The following ZFPM2 variants were observed in gnomAD, a reference collection of about 807,000 sequenced individuals.
The protein encoded by ZFPM2 is zinc finger protein, FOG family member 2.
A neutral mutation model predicts 98.6 loss-of-function variants in ZFPM2; 20 were observed. That is an observed-to-expected ratio of 0.20 (90% CI 0.14 to 0.29). The LOEUF (loss-of-function observed/expected upper bound fraction) is 0.29. ZFPM2 is among the 10% of genes least tolerant of loss of function. The pLI, the probability that ZFPM2 is intolerant of heterozygous loss-of-function variation, is 1.00. For synonymous variants in ZFPM2, 518 were observed against 502.7 expected (o/e 1.03, Z -0.41); for missense variants, 1,310 against 1,388.6 (o/e 0.94, Z 0.90).
rs894649426 is a variant in ZFPM2, at chr8:105,495,269, A to G, written c.301+50888A>G. 2.5e-4 allele frequency among the ~76,000 whole-genome samples: 38 copies of G among 152,332 alleles called. 1 individual carries two copies. The highest frequency in any genetic ancestry group is 9.1e-4 in the African/African-American group (38 of 41,578). On this transcript the variant is annotated intron_variant, in intron 3 of 7. Transcript: ENST00000407775. ...CATTTTATTAATCTAAATGTCATCG[A>G]CAAAATGTATAGTCCTTGGCTTAGT...
chr8:105,433,711 C>G (rs568497022), intron 2 of ZFPM2, among the ~76,000 whole-genome samples: 1 of 152,032 alleles, frequency 6.6e-6, no homozygotes, highest in East Asian at 1.9e-4. Flanking sequence ...GGCATGAACC[C>G]GGGAGGTGGA....
chr8:105,494,123 T>C (rs1314837378), intron 3 of ZFPM2, among the ~76,000 whole-genome samples: 1 of 146,868 alleles, frequency 6.8e-6, no homozygotes, highest in Non-Finnish European at 1.5e-5. Flanking sequence ...ATCTGAGGTG[T>C]CACTAGGTCA....
chr8:105,706,392 G>T (rs1811261113), intron 5 of ZFPM2, among the ~76,000 whole-genome samples: 1 of 152,106 alleles, frequency 6.6e-6, no homozygotes, highest in Non-Finnish European at 1.5e-5. Flanking sequence ...CATTGGAAAT[G>T]AAATTCATTT....
chr8:105,719,924 A>G (rs183795476), intron 5 of ZFPM2, among the ~76,000 whole-genome samples: 56 of 152,076 alleles, frequency 3.7e-4, no homozygotes, highest in African/African-American at 1.3e-3. Context: ...AGAGACCAAT[A>G]TTAGAGAAGA....
chr8:105,616,653 A>G (rs899514132), intron 4 of ZFPM2: 3 of 366,170 alleles, frequency 8.2e-6, no homozygotes, highest in Non-Finnish European at 1.6e-5. Flanking sequence ...CAACAGGTTC[A>G]TATGGTATAA....
intron 1 of ZFPM2, among the ~76,000 whole-genome samples, chr8:105,336,047 G>A (rs566158280): frequency 6.6e-6 from 1 of 151,928 alleles, no homozygotes; most frequent in Non-Finnish European, 1.5e-5. Context: ...TTGAATGGAT[G>A]TACGGCACAA....
At chr8:105,582,917 A>G (rs1014741689) in intron 4 of ZFPM2, among the ~76,000 whole-genome samples, 7 of 152,058 alleles carry the variant, frequency 4.6e-5, no homozygotes, top group South Asian at 2.1e-4. Flanking sequence ...TAGTGTGACA[A>G]TTTATCTGCC....
chr8:105,625,436 G>A (rs1413551248), intron 4 of ZFPM2, among the ~76,000 whole-genome samples: 1 of 151,914 alleles, frequency 6.6e-6, no homozygotes, highest in Non-Finnish European at 1.5e-5. Context: ...TCACTTAAAG[G>A]ACATCCCAAT....
At chr8:105,643,153 G>T (rs1472746143) in intron 5 of ZFPM2, among the ~76,000 whole-genome samples, 1 of 152,078 alleles carries the variant, frequency 6.6e-6, no homozygotes, top group East Asian at 1.9e-4. Flanking sequence ...TTAAGCATAG[G>T]TCCATCCATT....
At chr8:105,633,697 AT>A (rs1388172092) in intron 4 of ZFPM2, among the ~76,000 whole-genome samples, 1 of 152,124 alleles carries the variant, frequency 6.6e-6, no homozygotes, top group Non-Finnish European at 1.5e-5. Context: ...CATCATTAGC[AT>A]TATTATTATT....
chr8:105,726,528 A>G (rs1811810418), intron 5 of ZFPM2, among the ~76,000 whole-genome samples: 1 of 151,818 alleles, frequency 6.6e-6, no homozygotes, highest in African/African-American at 2.4e-5. Context: ...CACCATTAGG[A>G]CTGGTCAGTA....
chr8:105,785,295 A>G (rs146350499), intron 5 of ZFPM2: 2 of 151,664 alleles, frequency 1.3e-5, no homozygotes, highest in African/African-American at 4.9e-5. Context: ...TTCTGTGCAT[A>G]CACATATACA....
At chr8:105,656,934 C>G (rs560289549) in intron 5 of ZFPM2, among the ~76,000 whole-genome samples, 4 of 152,016 alleles carry the variant, frequency 2.6e-5, no homozygotes, top group Non-Finnish European at 5.9e-5. Flanking sequence ...AGGAAGCACT[C>G]GAGAAATATT....
intron 5 of ZFPM2, among the ~76,000 whole-genome samples, chr8:105,763,823 T>A (rs1266538664): frequency 6.6e-6 from 1 of 151,772 alleles, no homozygotes; most frequent in East Asian, 1.9e-4. Context: ...TAAGTGGGCT[T>A]GGTGATTTAC....
chr8:105,663,733 T>A (rs1817436022), intron 5 of ZFPM2, among the ~76,000 whole-genome samples: 1 of 152,210 alleles, frequency 6.6e-6, no homozygotes. Context: ...ATAAAGTAAC[T>A]TTGCCAAAGT....
At chr8:105,561,188 G>A (rs566972828) in intron 3 of ZFPM2, among the ~76,000 whole-genome samples, 175 bp from the exon 4 acceptor site, 23 of 152,254 alleles carry the variant, frequency 1.5e-4, no homozygotes, top group African/African-American at 5.1e-4. Context: ...CAATTTATAA[G>A]GACAAGTTTT....
At chr8:105,595,688 C>A (rs752867930) in intron 4 of ZFPM2, among the ~76,000 whole-genome samples, 1 of 151,926 alleles carries the variant, frequency 6.6e-6, no homozygotes, top group South Asian at 2.1e-4. Flanking sequence ...CCATGCTTTC[C>A]CAAGAAATCT....
intron 2 of ZFPM2, among the ~76,000 whole-genome samples, chr8:105,427,495 G>C (rs1302322221): frequency 6.6e-6 from 1 of 152,072 alleles, no homozygotes; most frequent in African/African-American, 2.4e-5. Context: ...TTGATAAAAA[G>C]CTCTTAATCT....
chr8:105,705,151 GATAT>G (rs10538317), intron 5 of ZFPM2, among the ~76,000 whole-genome samples: 4 of 149,156 alleles, frequency 2.7e-5, no homozygotes, highest in Admixed American at 6.7e-5. Flanking sequence ...TTTCTGAATT[GATAT>G]ATATATATAT....
Sources: gnomAD v4.1 joint callset for allele counts (sites outside exome capture counted in the v4.1 genomes callset) on GRCh38, gnomAD v4.1.1 for gene constraint, MANE v1.5 for transcripts, NCBI Gene and HGNC (gene_info 2026-07-23, HGNC 2026-07-21) for gene names.